Variants in NEUROG1 observed in about 807,000 individuals in gnomAD.
NEUROG1 encodes neurogenin 1, also known as neurogenin-1.
In NEUROG1, 5 loss-of-function variants were observed where a neutral mutation model predicts 5.7. The ratio of observed to expected loss-of-function variants is 0.88; its 90% CI spans 0.46 to 1.85. NEUROG1 has a LOEUF of 1.85. Ranked by LOEUF, NEUROG1 falls within the 40% of genes most tolerant of loss-of-function variation. The pLI is 0.01. For missense variants in NEUROG1, 403 were observed against 345.7 expected (o/e 1.17, Z -1.32); for synonymous variants, 196 against 157.4 (o/e 1.25, Z -1.84).
Position 135,534,470 on chromosome 5 carries a change from C to G in NEUROG1, c.*507G>C, listed in dbSNP as rs1161493609. ...CAAGAGTCTCCAGTTCTTCCTAGAG[C>G]GAGTCTGCAGTGGTGGGGGTCGGGA... On this transcript the variant is annotated 3_prime_UTR_variant, in exon 1 of 1. Coordinates refer to ENST00000314744, the MANE Select transcript of NEUROG1 (RefSeq NM_006161.3). The G allele has an allele frequency of 6.4e-6, 1 of 155,852 alleles. No individual in the cohort carries two copies. The highest frequency in any genetic ancestry group is 1.4e-5 in the Non-Finnish European group (1 of 70,288). 9.7% of individuals were successfully genotyped at this position (155,852 alleles called of 1,614,324 possible).
chr5:135,535,168 C>A lies in NEUROG1; in HGVS notation c.523G>T (p.Gly175Cys). The A allele has an allele frequency of 6.2e-7, 1 of 1,609,252 alleles. No homozygotes were observed. Among genetic ancestry groups the A allele is most frequent in the Non-Finnish European group, 8.5e-7 (1 of 1,177,812 alleles). Residue 175 changes from glycine to cysteine, a missense_variant, in exon 1 of 1, where the codon GGT (glycine) becomes TGT (cysteine). Physicochemically the swap from Gly to Cys is radical, Grantham distance 159. Transcript: ENST00000314744. ...LPPQCVPCLP[G>C]PPSPASDAES... ...GCGTCGCTGGCGGGGCTTGGGGGAC[C>A]GGGCAGGCAGGGGACGCACTGCGGC... is the stretch of plus-strand genomic sequence containing the variant.
In NEUROG1 at chr5:135,535,014, A is replaced by C. The variant is rs1188556532; in HGVS notation, c.677T>G (p.Leu226Trp). The C allele has an allele frequency of 6.2e-7, 1 of 1,613,916 alleles. No individual in the cohort carries two copies. The highest frequency in any genetic ancestry group is 2.2e-5 in the East Asian group (1 of 44,858). Residue 226 changes from leucine (L) to tryptophan (W), a missense_variant, in exon 1 of 1, where the codon TTG becomes TGG. By Grantham distance (61) the Leu-to-Trp change is moderately conservative. Coordinates refer to ENST00000314744, the MANE Select transcript of NEUROG1 (RefSeq NM_006161.3). ...VFSFPSLPKD[L>W]LHTTPCFIPY... The stretch of plus-strand genomic sequence containing the variant: ...AATGAAACAGGGCGTTGTGTGGAGC[A>C]AGTCTTTGGGCAGGCTTGGGAAGGA...
At position 135,535,959 on chromosome 5, in the gene NEUROG1, T is replaced by C; in HGVS notation, c.-269A>G. On this transcript the variant is annotated 5_prime_UTR_variant, in exon 1 of 1. Transcript: ENST00000314744. ...CAGATCAGCTCGTGTGAGCACCGAG[T>C]GTGGCACACGACTGGCCTCAGGACC... The C allele has an allele frequency of 2.6e-6, 1 of 380,842 alleles. No individual in the cohort carries two copies. Among genetic ancestry groups the C allele is most frequent in the Non-Finnish European group, 4.7e-6 (1 of 213,970 alleles). The allele number at this position is 380,842 out of a possible 1,614,324, so 23.6% of individuals were successfully genotyped here. A position where few individuals can be genotyped will look rare whatever the true frequency, so the allele number is the denominator to read the frequency against.
Position 135,535,622 on chromosome 5 carries a change from G to T in NEUROG1, c.69C>A (p.Ser23=). 6.3e-7 allele frequency: 1 copy of T among 1,594,162 alleles called. No homozygotes were observed. Among genetic ancestry groups the T allele is most frequent in the Non-Finnish European group, 8.5e-7 (1 of 1,175,658 alleles). ...AGTCTTCCTCGTCGGTGAGGAAGCC[G>T]GATAGGTCACTGCCGCTGCTGCTGG... ...DCASSSGSDL[S]GFLTDEEDCA... The change falls in exon 1 of 1, where the codon TCC becomes TCA. Residue 23 remains serine, a synonymous_variant. Coordinates refer to ENST00000314744, the MANE Select transcript of NEUROG1 (RefSeq NM_006161.3).
rs1750512353 is a variant in NEUROG1 at position 135,535,280 on chromosome 5, G to A, written c.411C>T (p.Ala137=). 1 of 1,613,484 alleles carries A rather than the reference G, an allele frequency of 6.2e-7. No homozygotes were observed. The highest frequency in any genetic ancestry group is 8.5e-7 in the Non-Finnish European group (1 of 1,179,710). The change falls in exon 1 of 1, where the codon GCC becomes GCT. Residue 137 remains alanine (A), a synonymous_variant. Transcript: ENST00000314744. ...KLTKIETLRF[A]YNYIWALAET... ...CGGCCAGAGCCCAGATGTAGTTGTAGGCGAAGCGCAGCGTCTCGATTTTGG... is the reference window on the plus strand; with the variant it reads ...CGGCCAGAGCCCAGATGTAGTTGTAAGCGAAGCGCAGCGTCTCGATTTTGG...
At position 135,535,231 on chromosome 5, in the gene NEUROG1, C is replaced by G. The variant is rs1393235371; in HGVS notation, c.460G>C (p.Gly154Arg). 6.8e-6 allele frequency: 11 copies of G among 1,612,832 alleles called. No individual in the cohort carries two copies. Among genetic ancestry groups the G allele is most frequent in the Non-Finnish European group, 9.3e-6 (11 of 1,179,574 alleles). The change falls in exon 1 of 1, where the codon GGG (glycine) becomes CGG (arginine). Residue 154 changes from glycine (G) to arginine (R), a missense_variant. Coordinates refer to ENST00000314744, the MANE Select transcript of NEUROG1 (RefSeq NM_006161.3). ...TCCCGGGCACCGCCTCCGGGCAGCC[C>G]TTGATCCGCCAGGCGCAGTGTCTCG... The part of the protein sequence containing the change: ...LAETLRLADQ[G>R]LPGGGARERL...
rs1750494833 is a variant in NEUROG1 at position 135,534,718 on chromosome 5, T to C, written c.*259A>G. On this transcript the variant is annotated 3_prime_UTR_variant, in exon 1 of 1. Transcript: ENST00000314744. ...TCTGAGCCAGTCACAAAGGAGGTTT[T>C]GTGGAGTTCAGAAAGTGCAAAAGGA... 2 of 490,790 alleles carry C rather than the reference T, an allele frequency of 4.1e-6. No homozygotes were observed. Among genetic ancestry groups the C allele is most frequent in the East Asian group, 3.6e-5 (1 of 27,774 alleles). The allele number at this position is 490,790 out of a possible 1,614,324, so 30.4% of individuals were successfully genotyped here.
Position 135,535,812 on chromosome 5 carries a change from C to A in NEUROG1, c.-122G>T, listed in dbSNP as rs1274410201. 1 of 961,708 alleles carries A rather than the reference C, an allele frequency of 1.0e-6. No individual in the cohort carries two copies. The highest frequency in any genetic ancestry group is 1.7e-5 in the African/African-American group (1 of 57,842). The allele number at this position is 961,708 out of a possible 1,614,324, so 59.6% of individuals were successfully genotyped here. On this transcript the variant is annotated 5_prime_UTR_variant, in exon 1 of 1. Coordinates refer to ENST00000314744, the MANE Select transcript of NEUROG1 (RefSeq NM_006161.3). Reference sequence around the variant, plus strand: ...AACAGCCTGGGGTTGTTACTCTGTGCCAGTTGCGGGTGCGAGAGCCTGGAA... The same window carrying A: ...AACAGCCTGGGGTTGTTACTCTGTGACAGTTGCGGGTGCGAGAGCCTGGAA...
At position 135,535,145 on chromosome 5, in the gene NEUROG1, G is replaced by A. The variant is rs1561730593; in HGVS notation, c.546C>T (p.Asp182=). ...CGGCACCTGAGCCCCAGGACTCCGC[G>A]TCGCTGGCGGGGCTTGGGGGACCGG... ...CLPGPPSPAS[D]AESWGSGAAA... Residue 182 remains aspartate, a synonymous_variant, in exon 1 of 1, where the codon GAC becomes GAT. Transcript: ENST00000314744. 1 of 1,609,150 alleles carries A rather than the reference G, an allele frequency of 6.2e-7. No homozygotes were observed. Among genetic ancestry groups the A allele is most frequent in the Non-Finnish European group, 8.5e-7 (1 of 1,177,774 alleles).
rs758195372 is a variant in NEUROG1 at position 135,535,457 on chromosome 5, C to A, written c.234G>T (p.Thr78=). ...EQERRRRRGR[T]RVRSEALLHS... is the part of the protein sequence containing the mutation. ...GCAGCAGCGCCTCGGAGCGGACCCG[C>A]GTCCGGCCGCGGCGCCGCCGCCTCT... The change falls in exon 1 of 1, where the codon ACG becomes ACT. Residue 78 remains threonine (T), a synonymous_variant. Coordinates refer to ENST00000314744, the MANE Select transcript of NEUROG1 (RefSeq NM_006161.3). 3.8e-5 allele frequency: 59 copies of A among 1,566,762 alleles called. No individual in the cohort carries two copies. The highest frequency in any genetic ancestry group is 4.7e-5 in the Non-Finnish European group (54 of 1,160,810).
Position 135,535,009 on chromosome 5 carries a change from G to C in NEUROG1, c.682C>G (p.His228Asp). The change falls in exon 1 of 1, where the codon CAC (histidine) becomes GAC (aspartate). Residue 228 changes from histidine (H) to aspartate (D), a missense_variant. By Grantham distance (81) the His-to-Asp change is moderately conservative. Coordinates refer to ENST00000314744, the MANE Select transcript of NEUROG1 (RefSeq NM_006161.3). ...TAAGGAATGAAACAGGGCGTTGTGT[G>C]GAGCAAGTCTTTGGGCAGGCTTGGG... ...SFPSLPKDLL[H>D]TTPCFIPYH The C allele has an allele frequency of 1.9e-6, 3 of 1,613,952 alleles. No individual in the cohort carries two copies. The highest frequency in any genetic ancestry group is 2.5e-6 in the Non-Finnish European group (3 of 1,179,898).
In NEUROG1 at chr5:135,535,636, C is replaced by A. The variant is rs757655390; in HGVS notation, c.55G>T (p.Gly19Cys). 4 of 1,587,814 alleles carry A rather than the reference C, an allele frequency of 2.5e-6. No individual in the cohort carries two copies. The highest frequency in any genetic ancestry group is 3.4e-6 in the Non-Finnish European group (4 of 1,172,358). ...ISDLDCASSS[G>C]SDLSGFLTDE... ...GTGAGGAAGCCGGATAGGTCACTGC[C>A]GCTGCTGCTGGCGCAGTCGAGGTCG... The change falls in exon 1 of 1, where the codon GGC (glycine) becomes TGC (cysteine). Residue 19 changes from glycine to cysteine, a missense_variant. Coordinates refer to ENST00000314744, the MANE Select transcript of NEUROG1 (RefSeq NM_006161.3).
Position 135,534,960 on chromosome 5 carries a change from C to T in NEUROG1, c.*17G>A, listed in dbSNP as rs767854173. The T allele has an allele frequency of 6.2e-7, 1 of 1,607,802 alleles. No homozygotes were observed. Among genetic ancestry groups the T allele is most frequent in the Non-Finnish European group, 8.5e-7 (1 of 1,177,628 alleles). On this transcript the variant is annotated 3_prime_UTR_variant, in exon 1 of 1. Coordinates refer to ENST00000314744, the MANE Select transcript of NEUROG1 (RefSeq NM_006161.3). ...GCTGACTAGGGGAGGGGGAAAGTAA[C>T]AGTGTCTACAAAGGGCCTAGTGGTA... is the stretch of plus-strand genomic sequence containing the variant.
chr5:135,535,149 C>T lies in NEUROG1; in HGVS notation c.542G>A (p.Ser181Asn). 6.2e-7 allele frequency: 1 copy of T among 1,608,932 alleles called. No individual in the cohort carries two copies. The highest frequency in any genetic ancestry group is 8.5e-7 in the Non-Finnish European group (1 of 1,177,688). Reference protein sequence around the residue: ...PCLPGPPSPASDAESWGSGAA... With the variant: ...PCLPGPPSPANDAESWGSGAA... ...ACCTGAGCCCCAGGACTCCGCGTCG[C>T]TGGCGGGGCTTGGGGGACCGGGCAG... The change falls in exon 1 of 1, where the codon AGC becomes AAC. Residue 181 changes from serine to asparagine, a missense_variant. Ser to Asn is a conservative substitution (Grantham distance 46, BLOSUM62 1). Transcript: ENST00000314744.
rs763680675 is a variant in NEUROG1, at chr5:135,535,460, C to G, written c.231G>C (p.Arg77=). The G allele has an allele frequency of 3.8e-6, 6 of 1,566,722 alleles. No homozygotes were observed. Among genetic ancestry groups the G allele is most frequent in the South Asian group, 1.2e-5 (1 of 84,690 alleles). The change falls in exon 1 of 1, where the codon CGG becomes CGC. Residue 77 remains arginine (R), a synonymous_variant. Coordinates refer to ENST00000314744, the MANE Select transcript of NEUROG1 (RefSeq NM_006161.3). ...DEQERRRRRG[R]TRVRSEALLH... is the part of the protein sequence containing the mutation. ...GCAGCGCCTCGGAGCGGACCCGCGT[C>G]CGGCCGCGGCGCCGCCGCCTCTCCT...
Position 135,534,401 on chromosome 5 carries a change from G to C in NEUROG1, c.*576C>G, listed in dbSNP as rs1750487304. ...CATTTTCATATGAATGAAGCATCTTGAATAAATTAAAGTACTCTCCAGCCC... is the reference window on the plus strand; with the variant it reads ...CATTTTCATATGAATGAAGCATCTTCAATAAATTAAAGTACTCTCCAGCCC... On this transcript the variant is annotated 3_prime_UTR_variant, in exon 1 of 1. Coordinates refer to ENST00000314744, the MANE Select transcript of NEUROG1 (RefSeq NM_006161.3). The C allele has an allele frequency of 6.6e-6, 1 of 152,658 alleles. No homozygotes were observed. The highest frequency in any genetic ancestry group is 2.1e-4 in the South Asian group (1 of 4,826). 9.5% of individuals were successfully genotyped at this position (152,658 alleles called of 1,614,324 possible).
chr5:135,535,720 T>C lies in NEUROG1; in HGVS notation c.-30A>G. 1 of 1,487,462 alleles carries C rather than the reference T, an allele frequency of 6.7e-7. No homozygotes were observed. Among genetic ancestry groups the C allele is most frequent in the Non-Finnish European group, 8.9e-7 (1 of 1,121,866 alleles). 92.1% of individuals were successfully genotyped at this position (1,487,462 alleles called of 1,614,324 possible). A position where few individuals can be genotyped will look rare whatever the true frequency, so the allele number is the denominator to read the frequency against. Reference sequence around the variant, plus strand: ...GCGCTGTGCAGGACCGACGGACAGATAGAAAGGCGCTCAGAGCGCTGCAGC... The same window carrying C: ...GCGCTGTGCAGGACCGACGGACAGACAGAAAGGCGCTCAGAGCGCTGCAGC... On this transcript the variant is annotated 5_prime_UTR_variant, in exon 1 of 1. Transcript: ENST00000314744.
Position 135,535,318 on chromosome 5 carries a change from C to G in NEUROG1, c.373G>C (p.Asp125His), listed in dbSNP as rs768925138. 3 of 1,613,602 alleles carry G rather than the reference C, an allele frequency of 1.9e-6. No homozygotes were observed. The highest frequency in any genetic ancestry group is 2.5e-6 in the Non-Finnish European group (3 of 1,179,666). ...LRSVLPSFPD[D>H]TKLTKIETLR... ...GTCTCGATTTTGGTGAGCTTGGTGTCGTCGGGGAACGAGGGCAGCACGCTG... is the reference window on the plus strand; with the variant it reads ...GTCTCGATTTTGGTGAGCTTGGTGTGGTCGGGGAACGAGGGCAGCACGCTG... Residue 125 changes from aspartate (D) to histidine (H), a missense_variant, in exon 1 of 1, where the codon GAC (aspartate) becomes CAC (histidine). Transcript: ENST00000314744.
Position 135,535,363 on chromosome 5 carries a change from C to T in NEUROG1, c.328G>A (p.Ala110Thr), listed in dbSNP as rs755491018. ...RERNRMHNLNAALDALRSVLP... is the reference protein window; with the variant it reads ...RERNRMHNLNTALDALRSVLP... ...ACGCTGCGCAGTGCGTCCAGGGCCGCGTTCAAGTTGTGCATGCGGTTGCGC... is the reference window on the plus strand; with the variant it reads ...ACGCTGCGCAGTGCGTCCAGGGCCGTGTTCAAGTTGTGCATGCGGTTGCGC... Residue 110 changes from alanine (A) to threonine (T), a missense_variant, in exon 1 of 1, where the codon GCG becomes ACG. Ala to Thr is a moderately conservative substitution (Grantham distance 58, BLOSUM62 0). Coordinates refer to ENST00000314744, the MANE Select transcript of NEUROG1 (RefSeq NM_006161.3). 6.2e-7 allele frequency: 1 copy of T among 1,612,970 alleles called. No homozygotes were observed. Among genetic ancestry groups the T allele is most frequent in the African/African-American group, 1.3e-5 (1 of 74,966 alleles).
Sources: gnomAD v4.1 joint callset for allele counts on GRCh38, gnomAD v4.1.1 for gene constraint, MANE v1.5 for transcripts, NCBI Gene and HGNC (gene_info 2026-07-23, HGNC 2026-07-21) for gene names.